Variants in ATXN1 observed in about 807,000 individuals in gnomAD.
The protein encoded by ATXN1 is ataxin-1.
In ATXN1, 8 loss-of-function variants were observed where a neutral mutation model predicts 56.4. The ratio of observed to expected loss-of-function variants is 0.14; its 90% CI spans 0.08 to 0.26. ATXN1 has a LOEUF of 0.26. Among genes scored for constraint, ATXN1 ranks in the 10% least tolerant of loss-of-function variants. The pLI is 1.00. For missense variants in ATXN1, 987 were observed against 1,106.5 expected, an observed-to-expected ratio of 0.89 and a Z score of 1.53; for synonymous variants, 514 against 494.6, an observed-to-expected ratio of 1.04 and a Z score of -0.52.
At chr6:16,592,989 C>G (rs1215672017) in intron 3 of ATXN1, among the ~76,000 whole-genome samples, 1 of 152,026 alleles carries the variant, frequency 6.6e-6, no homozygotes, top group East Asian at 1.9e-4. Flanking sequence ...CTTTTAGAAC[C>G]CTGCTGATTG....
Position 16,470,306 on chromosome 6 carries a change from G to A in ATXN1, c.-161+15666C>T, listed in dbSNP as rs79006576. 6.2e-3 allele frequency among the ~76,000 whole-genome samples: 948 copies of A among 152,208 alleles called. 5 individuals carry two copies. The highest frequency in any genetic ancestry group is 0.022 in the African/African-American group (895 of 41,508). On this transcript the variant is annotated intron_variant, in intron 6 of 7. Transcript: ENST00000436367. ...AATAATAGACAGCAAGTAGAATGGT[G>A]GCTGCCGGGGGCTAGGGTGGAGGGT...
chr6:16,581,132 T>C (rs1198768683), intron 4 of ATXN1, among the ~76,000 whole-genome samples: 1 of 149,830 alleles, frequency 6.7e-6, no homozygotes, highest in African/African-American at 2.5e-5. Flanking sequence ...TCCTAAGAGC[T>C]GAGGGGCGGG....
chr6:16,343,736 G>T (rs374979404), intron 6 of ATXN1, among the ~76,000 whole-genome samples: 1 of 152,096 alleles, frequency 6.6e-6, no homozygotes, highest in African/African-American at 2.4e-5. Context: ...TTGACGATGC[G>T]CGGCCACCTA....
chr6:16,664,321 G>C (rs1047327035), intron 2 of ATXN1, among the ~76,000 whole-genome samples: 1 of 152,176 alleles, frequency 6.6e-6, no homozygotes, highest in Non-Finnish European at 1.5e-5. Context: ...ATTCGCAAGT[G>C]AATTTTATAG....
chr6:16,416,425 G>A (rs1017266886), intron 6 of ATXN1, among the ~76,000 whole-genome samples: 1 of 152,076 alleles, frequency 6.6e-6, no homozygotes, highest in Non-Finnish European at 1.5e-5. Flanking sequence ...TACAGACAAA[G>A]CTTTTGCTAT....
At chr6:16,590,244 C>T (rs1277772905) in intron 3 of ATXN1, among the ~76,000 whole-genome samples, 1 of 152,102 alleles carries the variant, frequency 6.6e-6, no homozygotes, top group East Asian at 1.9e-4. Context: ...CTATTAGATG[C>T]TATTCTAATT....
At chr6:16,729,766 G>A (rs926600608) in intron 2 of ATXN1, among the ~76,000 whole-genome samples, 2 of 152,098 alleles carry the variant, frequency 1.3e-5, no homozygotes, top group African/African-American at 2.4e-5. Context: ...CTATTGCAAC[G>A]GTTATATTTT....
intron 6 of ATXN1, among the ~76,000 whole-genome samples, chr6:16,461,026 C>T (rs1042108229): frequency 4.6e-5 from 7 of 152,200 alleles, no homozygotes; most frequent in African/African-American, 1.7e-4. Flanking sequence ...TTATTGCACA[C>T]AGTGCAAAAA....
intron 6 of ATXN1, among the ~76,000 whole-genome samples, chr6:16,360,634 C>G (rs1021699329): frequency 6.6e-6 from 1 of 152,186 alleles, no homozygotes; most frequent in Non-Finnish European, 1.5e-5. Flanking sequence ...CCCTCTTCAA[C>G]GGGTTTTTAA....
At chr6:16,441,405 T>C (rs1030935040) in intron 6 of ATXN1, among the ~76,000 whole-genome samples, 3 of 152,128 alleles carry the variant, frequency 2.0e-5, no homozygotes, top group Non-Finnish European at 4.4e-5. Flanking sequence ...GCCCATCCCT[T>C]ATCCCTAAAA....
chr6:16,619,329 T>C (rs1040558008), intron 3 of ATXN1, among the ~76,000 whole-genome samples: 5 of 152,174 alleles, frequency 3.3e-5, no homozygotes, highest in African/African-American at 1.2e-4. Context: ...AAAAGATATA[T>C]ATGTTCAAGA....
intron 2 of ATXN1, among the ~76,000 whole-genome samples, chr6:16,749,786 A>G (rs548966636): frequency 6.6e-6 from 1 of 152,310 alleles, no homozygotes; most frequent in South Asian, 2.1e-4. Flanking sequence ...CCTGGGTGTC[A>G]AACTTTTTGC....
At chr6:16,614,137 A>G (rs7759862) in intron 3 of ATXN1, among the ~76,000 whole-genome samples, 9,544 of 132,122 alleles carry the variant, frequency 0.072, 913 homozygotes, top group African/African-American at 0.24. Flanking sequence ...CGAAGCTGCT[A>G]TATGTCAGCT....
At chr6:16,409,483 T>C (rs1758754066) in intron 6 of ATXN1, among the ~76,000 whole-genome samples, 2 of 151,888 alleles carry the variant, frequency 1.3e-5, no homozygotes, top group South Asian at 4.2e-4. Context: ...TGAAACACTG[T>C]CTCTACTAAA....
chr6:16,446,583 C>A (rs1759640832), intron 6 of ATXN1, among the ~76,000 whole-genome samples: 1 of 152,206 alleles, frequency 6.6e-6, no homozygotes, highest in Non-Finnish European at 1.5e-5. Flanking sequence ...GGTAGGTCTT[C>A]TGCACACTCC....
intron 3 of ATXN1, among the ~76,000 whole-genome samples, chr6:16,589,312 C>G (rs1320051490): frequency 6.6e-6 from 1 of 152,068 alleles, no homozygotes; most frequent in Non-Finnish European, 1.5e-5. Flanking sequence ...AGAGGTATCC[C>G]CTCATCATAG....
chr6:16,310,586 G>C (rs890350988), intron 7 of ATXN1, among the ~76,000 whole-genome samples: 1 of 152,118 alleles, frequency 6.6e-6, no homozygotes, highest in African/African-American at 2.4e-5. Flanking sequence ...GGGTTCAAGC[G>C]AGTCTCCTGC....
At chr6:16,477,532 T>A (rs1374664537) in intron 6 of ATXN1, among the ~76,000 whole-genome samples, 1 of 152,218 alleles carries the variant, frequency 6.6e-6, no homozygotes. Flanking sequence ...CTCGTTACAC[T>A]GGATGGCTTT....
At chr6:16,470,916 T>A (rs570394906) in intron 6 of ATXN1, among the ~76,000 whole-genome samples, 1 of 152,250 alleles carries the variant, frequency 6.6e-6, no homozygotes, top group Non-Finnish European at 1.5e-5. Flanking sequence ...TCTATCAGCT[T>A]AATGTGAGTG....
Sources: gnomAD v4.1 joint callset for allele counts (sites outside exome capture counted in the v4.1 genomes callset) on GRCh38, gnomAD v4.1.1 for gene constraint, MANE v1.5 for transcripts, NCBI Gene and HGNC (gene_info 2026-07-23, HGNC 2026-07-21) for gene names.